VPS13B: variants seen among roughly 807,000 people sequenced by gnomAD.
VPS13B encodes the protein vacuolar protein sorting 13 homolog B.
VPS13B carries 285 observed loss-of-function variants against 426.4 expected under a neutral mutation model. That is an observed-to-expected ratio of 0.67 (90% CI 0.61 to 0.74). The LOEUF (loss-of-function observed/expected upper bound fraction) is 0.74. Ranked by LOEUF, VPS13B falls within the 30% of genes least tolerant of loss-of-function variation. VPS13B has a pLI of 0.00. For missense variants in VPS13B, 4,537 were observed against 4,782.6 expected, an observed-to-expected ratio of 0.95 and a Z score of 1.51; for synonymous variants, 1,676 against 1,676.4, an observed-to-expected ratio of 1.00 and a Z score of 0.01.
rs749588562 is a variant in VPS13B at position 99,859,449 on chromosome 8, G to T, written c.11013G>T (p.Gly3671=). The T allele has an allele frequency of 1.2e-6, 2 of 1,614,048 alleles. No individual in the cohort carries two copies. Among genetic ancestry groups the T allele is most frequent in the Non-Finnish European group, 1.7e-6 (2 of 1,180,018 alleles). ...PGAFVSGVSR[G]TTSFVKHISK... ...CCTTCGTGAGTGGCGTCTCCAGAGG[G>T]ACCACATCGTTTGTAAAGCACATCT... The change falls in exon 57 of 62, where the codon GGG becomes GGT. Residue 3671 remains glycine, a synonymous_variant. Coordinates refer to ENST00000357162, the MANE Select transcript of VPS13B (RefSeq NM_152564.5).
chr8:99,744,199 C>T (rs1475629012), intron 39 of VPS13B, among the ~76,000 whole-genome samples: 1 of 152,074 alleles, frequency 6.6e-6, no homozygotes, highest in African/African-American at 2.4e-5. Flanking sequence ...ATTTATGCAG[C>T]CAAAAGACAC....
At chr8:99,775,610 C>A in intron 40 of VPS13B, among the ~76,000 whole-genome samples, 1 of 152,108 alleles carries the variant, frequency 6.6e-6, no homozygotes. Flanking sequence ...AGATTTAACT[C>A]ATACAGGCTG....
chr8:99,203,174 C>T (rs933144180), intron 17 of VPS13B, among the ~76,000 whole-genome samples: 4 of 152,266 alleles, frequency 2.6e-5, no homozygotes, highest in Admixed American at 6.5e-5. Context: ...ACGATCAAGT[C>T]GGCTTCATCC....
intron 61 of VPS13B, 34 bp from the exon 62 acceptor site, chr8:99,875,384 C>A: frequency 6.2e-7 from 1 of 1,613,976 alleles, no homozygotes; most frequent in South Asian, 1.1e-5. Context: ...TCGTAAGGGT[C>A]TGGCAACTAA....
intron 16 of VPS13B, among the ~76,000 whole-genome samples, chr8:99,179,641 C>T (rs960045975): frequency 2.0e-5 from 3 of 152,100 alleles, no homozygotes; most frequent in Admixed American, 6.5e-5. Flanking sequence ...TTTCATTGTA[C>T]TTTTCATAGA....
At chr8:99,114,746 C>A (rs912249250) in intron 6 of VPS13B, among the ~76,000 whole-genome samples, 2 of 152,162 alleles carry the variant, frequency 1.3e-5, no homozygotes, top group Non-Finnish European at 2.9e-5. Context: ...CCTTCACATA[C>A]ATTTTTTTAT....
intron 19 of VPS13B, among the ~76,000 whole-genome samples, chr8:99,364,450 T>C (rs1307012826): frequency 3.9e-5 from 6 of 152,190 alleles, no homozygotes; most frequent in Non-Finnish European, 4.4e-5. Flanking sequence ...TTTTTGTTTT[T>C]GAGACAAGGT....
intron 19 of VPS13B, among the ~76,000 whole-genome samples, chr8:99,370,128 G>A (rs1775396955): frequency 6.6e-6 from 1 of 152,084 alleles, no homozygotes; most frequent in Non-Finnish European, 1.5e-5. Flanking sequence ...AACAGATTTT[G>A]TATTTTTTAA....
At chr8:99,264,710 T>A (rs1000674686) in intron 17 of VPS13B, among the ~76,000 whole-genome samples, 7 of 152,138 alleles carry the variant, frequency 4.6e-5, no homozygotes, top group Admixed American at 3.9e-4. Flanking sequence ...GTGGTATGAG[T>A]TTATGTGTGT....
intron 30 of VPS13B, among the ~76,000 whole-genome samples, chr8:99,543,088 A>T (rs919153622): frequency 6.6e-6 from 1 of 152,234 alleles, no homozygotes; most frequent in Admixed American, 6.5e-5. Context: ...TAACCAAAGC[A>T]GCATGGTACT....
chr8:99,350,082 A>G lies in VPS13B; in HGVS notation c.2825-34126A>G, dbSNP rs1451437843. On this transcript the variant is annotated intron_variant, in intron 19 of 61. Coordinates refer to ENST00000357162, the MANE Select transcript of VPS13B (RefSeq NM_152564.5). ...AAGATCACAGAAAACTTTCTTCAATAAGTGAAGTTTGAGATTAGATATGAA... is the reference window on the plus strand; with the variant it reads ...AAGATCACAGAAAACTTTCTTCAATGAGTGAAGTTTGAGATTAGATATGAA... Among the ~76,000 whole-genome samples the G allele has an allele frequency of 2.6e-5, 4 of 152,290 alleles. No homozygotes were observed. The East Asian group carries it at 7.7e-4, about 29-fold the overall frequency.
At chr8:99,653,568 T>G (rs2129675352) in intron 34 of VPS13B, among the ~76,000 whole-genome samples, 1 of 152,136 alleles carries the variant, frequency 6.6e-6, no homozygotes, top group East Asian at 1.9e-4. Flanking sequence ...AACCAAATTT[T>G]AATAAGAAAG....
chr8:99,734,776 T>C (rs1366597868), intron 39 of VPS13B, among the ~76,000 whole-genome samples: 2 of 152,034 alleles, frequency 1.3e-5, no homozygotes, highest in Admixed American at 6.6e-5. Flanking sequence ...ACAGTTGGAA[T>C]GGGAAGGAGG....
At chr8:99,075,671 G>A (rs1845079803) in intron 3 of VPS13B, among the ~76,000 whole-genome samples, 1 of 152,092 alleles carries the variant, frequency 6.6e-6, no homozygotes, top group Non-Finnish European at 1.5e-5. Flanking sequence ...GTTAGTATAC[G>A]GTTGTTTATT....
At chr8:99,429,202 G>A (rs1588369047) in intron 21 of VPS13B, among the ~76,000 whole-genome samples, 1 of 151,002 alleles carries the variant, frequency 6.6e-6, no homozygotes, top group East Asian at 1.9e-4. Context: ...AATGGGTGCA[G>A]CCCACCAACA....
intron 23 of VPS13B, among the ~76,000 whole-genome samples, chr8:99,456,673 C>T (rs1490872574): frequency 6.6e-6 from 1 of 152,060 alleles, no homozygotes; most frequent in Non-Finnish European, 1.5e-5. Flanking sequence ...GGGTGTTATC[C>T]TCTTTATATG....
At chr8:99,528,243 A>G (rs1162909807) in intron 30 of VPS13B, among the ~76,000 whole-genome samples, 2 of 152,112 alleles carry the variant, frequency 1.3e-5, no homozygotes, top group East Asian at 3.8e-4. Context: ...TTCTAAAAAT[A>G]GCTTTTATTA....
chr8:99,386,433 A>C (rs1013166170), intron 20 of VPS13B, among the ~76,000 whole-genome samples: 8 of 152,320 alleles, frequency 5.3e-5, no homozygotes, highest in African/African-American at 1.7e-4. Flanking sequence ...CCTGCTAGAC[A>C]TCTGGGCTAT....
At chr8:99,728,500 A>G (rs1833445982) in intron 39 of VPS13B, among the ~76,000 whole-genome samples, 1 of 152,152 alleles carries the variant, frequency 6.6e-6, no homozygotes, top group Non-Finnish European at 1.5e-5. Flanking sequence ...CTTCTTTCCC[A>G]TATCAATTGA....
Sources: gnomAD v4.1 joint callset for allele counts (sites outside exome capture counted in the v4.1 genomes callset) on GRCh38, gnomAD v4.1.1 for gene constraint, MANE v1.5 for transcripts, NCBI Gene and HGNC (gene_info 2026-07-23, HGNC 2026-07-21) for gene names.